RERG: variants seen among roughly 807,000 people sequenced by gnomAD.
RERG encodes ras-related and estrogen-regulated growth inhibitor.
A neutral mutation model predicts 23.2 loss-of-function variants in RERG; 25 were observed. The ratio of observed to expected loss-of-function variants is 1.08; its 90% confidence interval spans 0.79 to 1.50. The LOEUF (loss-of-function observed/expected upper bound fraction) is 1.50, where lower values mean the gene tolerates loss of function less well. RERG is among the 40% of genes most tolerant of loss of function. The probability of loss-of-function intolerance (pLI) is 0.00; values close to 1 mark genes in which losing one functional copy is unlikely to be tolerated. For synonymous variants in RERG, 81 were observed against 89.1 expected (o/e 0.91, Z 0.51); for missense variants, 253 against 250.1 (o/e 1.01, Z -0.08).
At chr12:15,207,063 CAAGAACCA>C (rs1865302041) in intron 2 of RERG, among the ~76,000 whole-genome samples, 1 of 152,046 alleles carries the variant, frequency 6.6e-6, no homozygotes, top group South Asian at 2.1e-4. Context: ...GTGCCTGCAC[CAAGAACCA>C]AAGACCTATG....
At chr12:15,216,187 C>T (rs757282658) in intron 2 of RERG, among the ~76,000 whole-genome samples, 1 of 152,176 alleles carries the variant, frequency 6.6e-6, no homozygotes, top group Non-Finnish European at 1.5e-5. Context: ...TAGGTTCTCA[C>T]GCCATTAGGA....
intron 2 of RERG, among the ~76,000 whole-genome samples, chr12:15,209,942 C>T (rs1226168842): frequency 6.6e-6 from 1 of 152,132 alleles, no homozygotes; most frequent in Non-Finnish European, 1.5e-5. Flanking sequence ...TATGGATAAG[C>T]TTTACATATT....
intron 2 of RERG, among the ~76,000 whole-genome samples, chr12:15,206,998 TCTC>T (rs967022294): frequency 1.1e-4 from 17 of 152,042 alleles, no homozygotes; most frequent in African/African-American, 4.1e-4. Context: ...TTATGGCAAA[TCTC>T]CTAAACAGAA....
intron 2 of RERG, among the ~76,000 whole-genome samples, chr12:15,152,983 C>A (rs983778226): frequency 5.3e-5 from 8 of 152,026 alleles, no homozygotes; most frequent in African/African-American, 1.7e-4. Flanking sequence ...TATTTACTTA[C>A]CACACATGAA....
At chr12:15,159,822 T>TCAAA (rs1168049454) in intron 2 of RERG, among the ~76,000 whole-genome samples, 41 of 151,902 alleles carry the variant, frequency 2.7e-4, no homozygotes, top group Non-Finnish European at 4.7e-4. Flanking sequence ...GGACTCCGTC[T>TCAAA]CAAACAAACA....
intron 2 of RERG, among the ~76,000 whole-genome samples, chr12:15,128,316 G>A (rs570369517): frequency 8.5e-5 from 13 of 152,194 alleles, no homozygotes; most frequent in Admixed American, 2.0e-4. Context: ...ACGTCTTTAA[G>A]AATGCTGTAG....
chr12:15,188,576 G>C (rs1591663395), intron 2 of RERG, among the ~76,000 whole-genome samples: 1 of 151,868 alleles, frequency 6.6e-6, no homozygotes, highest in African/African-American at 2.4e-5. Context: ...CTGAACTCCA[G>C]AAATAAAGAT....
chr12:15,153,211 T>C (rs1864471397), intron 2 of RERG, among the ~76,000 whole-genome samples: 1 of 152,224 alleles, frequency 6.6e-6, no homozygotes, highest in Non-Finnish European at 1.5e-5. Flanking sequence ...CCAAGGTTTC[T>C]TTAGGTTTTC....
intron 2 of RERG, among the ~76,000 whole-genome samples, chr12:15,209,508 A>C (rs1865337934): frequency 6.6e-6 from 1 of 151,294 alleles, no homozygotes; most frequent in Non-Finnish European, 1.5e-5. Context: ...ATGATTCATC[A>C]GTTTTTTTTT....
intron 3 of RERG, 139 bp downstream of exon 3, chr12:15,120,924 G>C: frequency 5.7e-6 from 4 of 703,184 alleles, no homozygotes; most frequent in Non-Finnish European, 1.0e-5. Context: ...TAGCCTCATA[G>C]AGGGCTTCTT....
intron 2 of RERG, among the ~76,000 whole-genome samples, chr12:15,128,235 A>G (rs1466304459): frequency 1.3e-5 from 2 of 152,244 alleles, no homozygotes; most frequent in Non-Finnish European, 2.9e-5. Context: ...GCAACACAGA[A>G]AGAGAACATG....
intron 3 of RERG, among the ~76,000 whole-genome samples, chr12:15,113,769 G>A (rs559771258): frequency 2.0e-5 from 3 of 151,886 alleles, no homozygotes; most frequent in African/African-American, 7.2e-5. Flanking sequence ...GGAAAATGGA[G>A]AAACAACATC....
At position 15,166,824 on chromosome 12, in the gene RERG, G is replaced by A. The variant is rs1864701409; in HGVS notation, c.62-45705C>T. ...AGAGGTCTTTTATTTAAATCATCTT[G>A]TATCATGTCTGACACATTATTGTTT... On this transcript the variant is annotated intron_variant, in intron 2 of 4. Transcript: ENST00000256953. 2.8e-5 allele frequency among the ~76,000 whole-genome samples: 4 copies of A among 145,382 alleles called. No individual in the cohort carries two copies. The South Asian group carries it at 8.7e-4, about 32-fold the overall frequency.
chr12:15,210,786 C>A (rs571803726), intron 2 of RERG, among the ~76,000 whole-genome samples: 16 of 152,278 alleles, frequency 1.1e-4, no homozygotes, highest in South Asian at 6.2e-4. Flanking sequence ...CTCATCTAGG[C>A]TGTTTGCCTC....
intron 2 of RERG, among the ~76,000 whole-genome samples, chr12:15,128,696 T>C (rs1463474189): frequency 6.6e-6 from 1 of 152,186 alleles, no homozygotes; most frequent in Non-Finnish European, 1.5e-5. Context: ...CTGGAAAAAC[T>C]CTAGCAGATA....
At chr12:15,208,438 CT>C (rs1212163599) in intron 2 of RERG, among the ~76,000 whole-genome samples, 3 of 152,104 alleles carry the variant, frequency 2.0e-5, no homozygotes, top group Non-Finnish European at 4.4e-5. Context: ...ATATATGACC[CT>C]TGATATAATT....
chr12:15,126,472 A>G (rs1205572031), intron 2 of RERG, among the ~76,000 whole-genome samples: 2 of 151,890 alleles, frequency 1.3e-5, no homozygotes, highest in East Asian at 3.9e-4. Context: ...TTGACTGTAC[A>G]TTTCTTACAG....
intron 3 of RERG, among the ~76,000 whole-genome samples, chr12:15,113,915 AGTGTG>A (rs1863670149): frequency 6.6e-6 from 1 of 152,046 alleles, no homozygotes; most frequent in South Asian, 2.1e-4. Context: ...TACTCCAAAC[AGTGTG>A]GTACTAATAT....
intron 2 of RERG, among the ~76,000 whole-genome samples, chr12:15,164,200 G>C (rs946246485): frequency 1.3e-5 from 2 of 152,116 alleles, no homozygotes; most frequent in Non-Finnish European, 2.9e-5. Context: ...TTTTACATAG[G>C]GGCTCCATTA....
Sources: allele counts gnomAD v4.1 joint callset (sites outside exome capture counted in the v4.1 genomes callset), GRCh38; gene constraint gnomAD v4.1.1; transcripts MANE v1.5; gene names NCBI Gene and HGNC (gene_info 2026-07-23, HGNC 2026-07-21).